The following NGEF variants were observed in gnomAD, a reference collection of about 807,000 sequenced individuals.
NGEF encodes the protein neuronal guanine nucleotide exchange factor, also known as ephexin-1.
Under a neutral mutation model 80.9 loss-of-function variants are expected in NGEF, and 31 were observed. The ratio of observed to expected loss-of-function variants is 0.38; its 90% CI spans 0.29 to 0.52. The LOEUF (loss-of-function observed/expected upper bound fraction) is 0.52, where lower values mean the gene tolerates loss of function less well. NGEF is among the 20% of genes least tolerant of loss of function. The pLI is 0.84. For missense variants in NGEF, 709 were observed against 926.2 expected (o/e 0.77, Z 3.04); for synonymous variants, 371 against 370.2 (o/e 1.00, Z -0.03).
intron 2 of NGEF, among the ~76,000 whole-genome samples, chr2:232,972,095 G>C (rs1186979454): frequency 3.9e-5 from 6 of 152,134 alleles, no homozygotes; most frequent in African/African-American, 1.2e-4. Flanking sequence ...AACTCATATT[G>C]ATTCAGTTGT....
intron 5 of NGEF, among the ~76,000 whole-genome samples, chr2:232,903,685 C>G (rs768386408): frequency 6.6e-6 from 1 of 152,164 alleles, no homozygotes; most frequent in Non-Finnish European, 1.5e-5. Flanking sequence ...GTAATGGCCA[C>G]GTCCACCTCA....
chr2:232,902,622 G>C (rs1309709744), intron 5 of NGEF, among the ~76,000 whole-genome samples: 1 of 152,238 alleles, frequency 6.6e-6, no homozygotes, highest in East Asian at 1.9e-4. Flanking sequence ...ATGTTTACAT[G>C]CTAAAATAAG....
In NGEF at chr2:233,005,983, A is replaced by G. The variant is rs142746126; in HGVS notation, c.-75+7085T>C. Among the ~76,000 whole-genome samples, 115 of 152,156 alleles carry G rather than the reference A, an allele frequency of 7.6e-4. 2 individuals carry two copies. The East Asian group carries it at 0.02, about 27-fold the overall frequency. On this transcript the variant is annotated intron_variant, in intron 1 of 14. Coordinates refer to ENST00000264051, the MANE Select transcript of NGEF (RefSeq NM_019850.3). ...AGGCACCTGCCACCACATCTGGCTAATTTTTGTATTTTTTGTAGAGACGGG... is the reference window on the plus strand; with the variant it reads ...AGGCACCTGCCACCACATCTGGCTAGTTTTTGTATTTTTTGTAGAGACGGG...
At chr2:232,904,156 G>A (rs753223007) in intron 5 of NGEF, among the ~76,000 whole-genome samples, 14 of 152,080 alleles carry the variant, frequency 9.2e-5, no homozygotes, top group Admixed American at 2.6e-4. Context: ...CATTAGTCCT[G>A]TCTGGGCATG....
chr2:232,989,240 G>A (rs768412348), intron 1 of NGEF, among the ~76,000 whole-genome samples: 6 of 152,052 alleles, frequency 3.9e-5, no homozygotes, highest in Non-Finnish European at 8.8e-5. Context: ...TTGAGGTCAG[G>A]AGTTCAAGAC....
chr2:232,982,927 G>A (rs1331555117), intron 1 of NGEF, among the ~76,000 whole-genome samples: 1 of 152,250 alleles, frequency 6.6e-6, no homozygotes, highest in African/African-American at 2.4e-5. Flanking sequence ...TCCCTGCAAG[G>A]GAAGGAGCTG....
chr2:232,960,094 G>A (rs1273696851), intron 3 of NGEF, among the ~76,000 whole-genome samples: 1 of 152,254 alleles, frequency 6.6e-6, no homozygotes, highest in Non-Finnish European at 1.5e-5. Flanking sequence ...GCCATTGCCA[G>A]GAACAGAGGA....
At chr2:232,943,351 T>C (rs1271207013) in intron 3 of NGEF, among the ~76,000 whole-genome samples, 1 of 151,994 alleles carries the variant, frequency 6.6e-6, no homozygotes, top group Non-Finnish European at 1.5e-5. Context: ...GTCAGAGTAA[T>C]GACAGAAGAG....
rs1237314829 is a variant in NGEF at position 232,914,931 on chromosome 2, C to T, written c.828+5353G>A. Among the ~76,000 whole-genome samples the T allele has an allele frequency of 2.0e-5, 3 of 150,670 alleles. No individual in the cohort carries two copies. The Admixed American group carries it at 2.0e-4, about 10-fold the overall frequency. ...ACTCGGGAGGCTGAGGCCGAAGAAT[C>T]GCTTGAGCCTGGGAGGCAGAGGCTG... On this transcript the variant is annotated intron_variant, in intron 5 of 14. Transcript: ENST00000264051.
At chr2:232,900,843 C>G (rs1692329865) in intron 5 of NGEF, among the ~76,000 whole-genome samples, 1 of 152,242 alleles carries the variant, frequency 6.6e-6, no homozygotes, top group Non-Finnish European at 1.5e-5. Context: ...CACTGGGAGC[C>G]ACGCTGCCCG....
intron 5 of NGEF, among the ~76,000 whole-genome samples, chr2:232,902,643 T>C (rs769123942): frequency 5.3e-5 from 8 of 152,208 alleles, no homozygotes; most frequent in Non-Finnish European, 8.8e-5. Flanking sequence ...TGTGTGTAAA[T>C]TTAAAAAGAC....
intron 3 of NGEF, chr2:232,928,216 G>GGC (rs1454258796): frequency 1.0e-6 from 1 of 965,050 alleles, no homozygotes. Flanking sequence ...AGGCGGGAGG[G>GGC]GCGCGCGCGG....
At position 232,893,059 on chromosome 2, in the gene NGEF, G is replaced by C. The variant is rs759052528; in HGVS notation, c.990-9C>G. ...CCAGCTCCAGGAGGAACCTACGAGA[G>C]GCAGCGGCTTGAGGCGGAGGGTGCC... On this transcript the variant is annotated splice_polypyrimidine_tract_variant and intron_variant, in intron 6 of 14. Transcript: ENST00000264051. The C allele has an allele frequency of 3.1e-6, 5 of 1,609,350 alleles. No homozygotes were observed. The highest frequency in any genetic ancestry group is 4.5e-5 in the East Asian group (2 of 44,816).
At chr2:232,987,360 A>C (rs1413814322) in intron 1 of NGEF, among the ~76,000 whole-genome samples, 1 of 152,158 alleles carries the variant, frequency 6.6e-6, no homozygotes, top group Non-Finnish European at 1.5e-5. Flanking sequence ...TGCTAAGGCC[A>C]AACAAATTTC....
In NGEF at chr2:233,001,369, C is replaced by T. The variant is rs556479301; in HGVS notation, c.-75+11699G>A. Among the ~76,000 whole-genome samples, 202 of 152,346 alleles carry T rather than the reference C, an allele frequency of 1.3e-3. 1 individual carries two copies. Among genetic ancestry groups the T allele is most frequent in the Non-Finnish European group, 1.9e-3 (132 of 68,036 alleles). On this transcript the variant is annotated intron_variant, in intron 1 of 14. Coordinates refer to ENST00000264051, the MANE Select transcript of NGEF (RefSeq NM_019850.3). ...TGCAGTGCTAGAAGCATCGAAAGCA[C>T]CTTTGCACATCCTCATGTGAGCCTG...
chr2:232,974,723 G>A lies in NGEF; in HGVS notation c.168C>T (p.His56=). ...AGATGGAATTTCTCTTAATTGGGAT[G>A]TGGCAATGAGGCTCTTTGTCTTGGA... is the stretch of plus-strand genomic sequence containing the variant. ...QDIQDKEPHC[H]IPIKRNSIFN... The change falls in exon 2 of 15, where the codon CAC becomes CAT. Residue 56 remains histidine, a synonymous_variant. Coordinates refer to ENST00000264051, the MANE Select transcript of NGEF (RefSeq NM_019850.3). The A allele has an allele frequency of 1.2e-6, 2 of 1,614,260 alleles. No individual in the cohort carries two copies. The highest frequency in any genetic ancestry group is 8.5e-7 in the Non-Finnish European group (1 of 1,180,046).
In NGEF at chr2:232,891,501, C is replaced by T. The variant is rs374327546; in HGVS notation, c.1143-14G>A. The T allele has an allele frequency of 3.1e-6, 5 of 1,610,342 alleles. No homozygotes were observed. Among genetic ancestry groups the T allele is most frequent in the Non-Finnish European group, 3.4e-6 (4 of 1,178,572 alleles). On this transcript the variant is annotated splice_polypyrimidine_tract_variant and intron_variant, in intron 7 of 14. Coordinates refer to ENST00000264051, the MANE Select transcript of NGEF (RefSeq NM_019850.3). ...GCCTTCTCCTGGCTGGGGACACAGACAGGTGGAGTAGGTCTCTGAGCTGCA... is the reference window on the plus strand; with the variant it reads ...GCCTTCTCCTGGCTGGGGACACAGATAGGTGGAGTAGGTCTCTGAGCTGCA...
chr2:232,879,420 G>GGCCCCCC lies in NGEF; in HGVS notation c.*68_*69insGGGGGGC. 1 of 1,228,156 alleles carries GGCCCCCC rather than the reference G, an allele frequency of 8.1e-7. No individual in the cohort carries two copies. The allele number at this position is 1,228,156 out of a possible 1,614,324, so 76.1% of individuals were successfully genotyped here. A position where few individuals can be genotyped will look rare whatever the true frequency, so the allele number is the denominator to read the frequency against. ...GAGGTGCTGGCCTGTGCTTCCCAGA[G>GGCCCCCC]CCCCCCCCCCCCCACCTTCTGTCGG... On this transcript the variant is annotated 3_prime_UTR_variant, in exon 15 of 15. Transcript: ENST00000264051.
At chr2:232,897,099 G>T (rs1316773084) in intron 5 of NGEF, among the ~76,000 whole-genome samples, 5 of 140,656 alleles carry the variant, frequency 3.6e-5, no homozygotes, top group Non-Finnish European at 6.2e-5. Flanking sequence ...GGGATGGGGT[G>T]GGGGAAGGGG....
Sources: gnomAD v4.1 joint callset for allele counts (sites outside exome capture counted in the v4.1 genomes callset) on GRCh38, gnomAD v4.1.1 for gene constraint, MANE v1.5 for transcripts, NCBI Gene and HGNC (gene_info 2026-07-23, HGNC 2026-07-21) for gene names.